The following PLEKHD1 variants were observed in gnomAD, a reference collection of about 807,000 sequenced individuals.
The protein encoded by PLEKHD1 is pleckstrin homology and coiled-coil domain containing D1, also known as pleckstrin homology domain-containing family D member 1.
Under a neutral mutation model 69.2 loss-of-function variants are expected in PLEKHD1, and 51 were observed. The observed-to-expected ratio is 0.74, with a 90% CI of 0.59 to 0.93. The LOEUF is 0.93. Ranked by LOEUF, PLEKHD1 falls within the 40% of genes least tolerant of loss-of-function variation. The pLI, the probability that PLEKHD1 is intolerant of heterozygous loss-of-function variation, is 0.00. For synonymous variants in PLEKHD1, 236 were observed against 244.7 expected (o/e 0.96, Z 0.33); for missense variants, 584 against 641.0 (o/e 0.91, Z 0.96).
the PLEKHD1 span, among the ~76,000 whole-genome samples, chr14:69,478,813 T>C: frequency 1.3e-5 from 2 of 152,214 alleles, no homozygotes; most frequent in African/African-American, 4.8e-5. Context: ...CACATTTTCC[T>C]GTCTTCTTCT....
upstream of PLEKHD1, among the ~76,000 whole-genome samples, chr14:69,483,375 G>A (rs1301571793): frequency 1.3e-5 from 2 of 152,062 alleles, no homozygotes; most frequent in African/African-American, 2.4e-5. Context: ...CAGACAATAG[G>A]GGATGATGGG....
At chr14:69,474,402 A>G in the PLEKHD1 span, among the ~76,000 whole-genome samples, 1 of 152,184 alleles carries the variant, frequency 6.6e-6, no homozygotes, top group African/African-American at 2.4e-5. Context: ...GGCCAGAGCT[A>G]ACATTCTTTT....
Position 69,484,882 on chromosome 14 carries a change from G to T in PLEKHD1, c.-84G>T. The T allele has an allele frequency of 6.8e-7, 1 of 1,466,370 alleles. No individual in the cohort carries two copies. The highest frequency in any genetic ancestry group is 1.3e-5 in the South Asian group (1 of 76,534). The allele number at this position is 1,466,370 out of a possible 1,614,324, so 90.8% of individuals were successfully genotyped here. ...TCTGCTCGCTGGGACGCTCTCCGAC[G>T]GCTCCGCCCTCGCCTCTCGCCCCGA... On this transcript the variant is annotated 5_prime_UTR_variant, in exon 1 of 13. Transcript: ENST00000322564.
intron 5 of PLEKHD1, 50 bp downstream of exon 5, chr14:69,501,875 G>A (rs1446449236): frequency 6.9e-7 from 1 of 1,452,724 alleles, no homozygotes; most frequent in Non-Finnish European, 9.4e-7. Context: ...GGGGACCAGG[G>A]GCTATAGCCA....
intron 6 of PLEKHD1, among the ~76,000 whole-genome samples, chr14:69,509,211 A>AT (rs1036136839): frequency 9.9e-5 from 15 of 152,132 alleles, no homozygotes; most frequent in East Asian, 3.9e-4. Context: ...TCTTTTGCCC[A>AT]TTTTTTTATT....
intron 1 of PLEKHD1, among the ~76,000 whole-genome samples, chr14:69,495,349 C>T (rs920662716): frequency 1.3e-5 from 2 of 152,152 alleles, no homozygotes; most frequent in South Asian, 2.1e-4. Context: ...ACAGCAGGGT[C>T]GAGACTTTTG....
rs138681567 is a variant in PLEKHD1 at position 69,527,544 on chromosome 14, G to C, written c.1201+212G>C. On this transcript the variant is annotated intron_variant, in intron 11 of 12. Transcript: ENST00000322564. ...TGGATCTGTGGTGAGAGGAAAGCCA[G>C]GAGCTTCTTCCATTTATCAAAAGCT... Among the ~76,000 whole-genome samples, 125 of 152,374 alleles carry C rather than the reference G, an allele frequency of 8.2e-4. No homozygotes were observed. The East Asian group carries it at 0.011, about 14-fold the overall frequency.
At chr14:69,474,705 G>A in the PLEKHD1 span, among the ~76,000 whole-genome samples, 2 of 152,174 alleles carry the variant, frequency 1.3e-5, no homozygotes, top group African/African-American at 4.8e-5. Flanking sequence ...TTCTCTGACT[G>A]CAATCCCCAT....
chr14:69,487,341 C>T (rs1341262290), intron 1 of PLEKHD1, among the ~76,000 whole-genome samples: 1 of 152,206 alleles, frequency 6.6e-6, no homozygotes, highest in Non-Finnish European at 1.5e-5. Flanking sequence ...GCCCCAGCTT[C>T]CCATTTGTAA....
the PLEKHD1 span, among the ~76,000 whole-genome samples, chr14:69,473,893 C>A: frequency 6.6e-6 from 1 of 152,322 alleles, no homozygotes; most frequent in South Asian, 2.1e-4. Context: ...AAAGCTTCCA[C>A]TCCTGAACTC....
the PLEKHD1 span, among the ~76,000 whole-genome samples, chr14:69,470,689 A>T: frequency 1.3e-5 from 2 of 152,184 alleles, no homozygotes; most frequent in East Asian, 3.8e-4. Flanking sequence ...AAGCAGCAGT[A>T]GTGGCATTAT....
chr14:69,519,110 G>A (rs902702757), intron 6 of PLEKHD1, among the ~76,000 whole-genome samples: 2 of 151,950 alleles, frequency 1.3e-5, no homozygotes, highest in South Asian at 2.1e-4. Context: ...GATTTTGGAG[G>A]GGAATTTTGC....
chr14:69,502,643 G>C, intron 5 of PLEKHD1, 184 bp from the exon 6 acceptor site: 1 of 584,552 alleles, frequency 1.7e-6, no homozygotes, highest in Non-Finnish European at 2.8e-6. Flanking sequence ...GATGATGATG[G>C]GGGAAGGAGG....
chr14:69,523,087 C>T (rs1344076996), intron 7 of PLEKHD1, among the ~76,000 whole-genome samples: 1 of 152,136 alleles, frequency 6.6e-6, no homozygotes. Flanking sequence ...CATGTGCCAC[C>T]ATGCTTGGCT....
chr14:69,524,592 CT>C (rs1452197540), intron 8 of PLEKHD1, among the ~76,000 whole-genome samples: 29 of 152,270 alleles, frequency 1.9e-4, no homozygotes, highest in African/African-American at 6.7e-4. Flanking sequence ...AAATCCACCT[CT>C]GGTGCTTACA....
chr14:69,470,688 T>C, the PLEKHD1 span, among the ~76,000 whole-genome samples: 11 of 152,268 alleles, frequency 7.2e-5, no homozygotes, highest in South Asian at 1.9e-3. Flanking sequence ...GAAGCAGCAG[T>C]AGTGGCATTA....
chr14:69,481,244 G>A (rs141613588), upstream of PLEKHD1, among the ~76,000 whole-genome samples: 7,749 of 152,258 alleles, frequency 0.051, 257 homozygotes, highest in Non-Finnish European at 0.073. Context: ...GATCACCTGA[G>A]CTCAGGAGGT....
upstream of PLEKHD1, among the ~76,000 whole-genome samples, chr14:69,479,708 C>T (rs1032563268): frequency 6.6e-6 from 1 of 152,056 alleles, no homozygotes; most frequent in Non-Finnish European, 1.5e-5. Context: ...GGAGGAGTTC[C>T]TTCAGAACAC....
chr14:69,480,387 C>G (rs1882520559), upstream of PLEKHD1, among the ~76,000 whole-genome samples: 1 of 152,206 alleles, frequency 6.6e-6, no homozygotes, highest in Admixed American at 6.5e-5. Context: ...TCGCAGCATT[C>G]CTGGGTCCTT....
Sources: gnomAD v4.1 joint callset for allele counts (sites outside exome capture counted in the v4.1 genomes callset) on GRCh38, gnomAD v4.1.1 for gene constraint, MANE v1.5 for transcripts, NCBI Gene and HGNC (gene_info 2026-07-23, HGNC 2026-07-21) for gene names.